Variants in LSAMP observed in about 807,000 individuals in gnomAD.
The protein encoded by LSAMP is limbic system-associated membrane protein.
Under a neutral mutation model 38.6 loss-of-function variants are expected in LSAMP, and 7 were observed. That is an observed-to-expected ratio of 0.18 (90% CI 0.10 to 0.34). LSAMP has a LOEUF of 0.34. LSAMP is among the 10% of genes least tolerant of loss of function. The probability of loss-of-function intolerance (pLI) is 1.00; values close to 1 mark genes in which losing one functional copy is unlikely to be tolerated. For missense variants in LSAMP, 313 were observed against 420.0 expected, an observed-to-expected ratio of 0.75 and a Z score of 2.23; for synonymous variants, 154 against 166.8, an observed-to-expected ratio of 0.92 and a Z score of 0.59.
intron 1 of LSAMP, among the ~76,000 whole-genome samples, chr3:116,120,438 G>A (rs1303474547): frequency 6.6e-6 from 1 of 152,154 alleles, no homozygotes. Context: ...AGGAAGAAAG[G>A]GCCTGGGAAT....
At chr3:116,363,835 T>G (rs10470395) in intron 1 of LSAMP, among the ~76,000 whole-genome samples, 1 of 146,122 alleles carries the variant, frequency 6.8e-6, no homozygotes, top group South Asian at 2.2e-4. Flanking sequence ...AAACTCTCAA[T>G]AAATTAGGTA....
chr3:116,188,809 C>A (rs1010521108), intron 1 of LSAMP, among the ~76,000 whole-genome samples: 2 of 152,122 alleles, frequency 1.3e-5, no homozygotes, highest in African/African-American at 4.8e-5. Context: ...CAGTCTAACA[C>A]AAAGCTCACA....
At chr3:116,124,367 T>C (rs1282115648) in intron 1 of LSAMP, among the ~76,000 whole-genome samples, 2 of 152,348 alleles carry the variant, frequency 1.3e-5, no homozygotes, top group Admixed American at 1.3e-4. Context: ...TCCAGAATCA[T>C]ACCACAGTAT....
chr3:116,004,433 TATACAC>T (rs1288053077), intron 3 of LSAMP, among the ~76,000 whole-genome samples: 2 of 151,228 alleles, frequency 1.3e-5, no homozygotes, highest in Non-Finnish European at 2.9e-5. Context: ...CATATACATA[TATACAC>T]ATATACATAT....
intron 3 of LSAMP, among the ~76,000 whole-genome samples, chr3:115,947,635 G>T (rs970904187): frequency 2.0e-5 from 3 of 152,062 alleles, no homozygotes; most frequent in Non-Finnish European, 1.5e-5. Flanking sequence ...AAGATTATGA[G>T]ATTTTTTATT....
chr3:116,397,393 C>T (rs937397780), intron 1 of LSAMP, among the ~76,000 whole-genome samples: 2 of 145,912 alleles, frequency 1.4e-5, no homozygotes, highest in African/African-American at 2.5e-5. Flanking sequence ...CCCGCCCCCC[C>T]CCCACACACA....
intron 1 of LSAMP, among the ~76,000 whole-genome samples, chr3:116,108,237 T>G (rs944589253): frequency 2.6e-5 from 4 of 152,148 alleles, no homozygotes; most frequent in Non-Finnish European, 4.4e-5. Flanking sequence ...GAGATGCAGC[T>G]GTAATCCAGG....
At chr3:116,222,224 C>T (rs569906429) in intron 1 of LSAMP, among the ~76,000 whole-genome samples, 12 of 151,034 alleles carry the variant, frequency 7.9e-5, no homozygotes, top group Admixed American at 1.3e-4. Context: ...CCTAAGACTT[C>T]TGGCTCACAT....
chr3:116,235,159 T>G (rs894479220), intron 1 of LSAMP, among the ~76,000 whole-genome samples: 3 of 15,032 alleles, frequency 2.0e-4, no homozygotes, highest in Non-Finnish European at 8.7e-4. Flanking sequence ...ACTTTATTAT[T>G]TATTTATTAT....
intron 1 of LSAMP, among the ~76,000 whole-genome samples, chr3:116,419,798 C>CT (rs2049098406): frequency 1.3e-5 from 2 of 152,124 alleles, no homozygotes; most frequent in African/African-American, 4.8e-5. Flanking sequence ...GTGTATAACT[C>CT]TGAGTATTCA....
intron 3 of LSAMP, among the ~76,000 whole-genome samples, chr3:115,955,419 T>C (rs7634181): frequency 0.35 from 52,718 of 152,056 alleles, 9,997 homozygotes; most frequent in South Asian, 0.62. Context: ...TCACTTCTCA[T>C]GAAAATAGTT....
intron 6 of LSAMP, among the ~76,000 whole-genome samples, chr3:115,828,675 T>C (rs1934507878): frequency 6.6e-6 from 1 of 152,246 alleles, no homozygotes; most frequent in Non-Finnish European, 1.5e-5. Flanking sequence ...GGCAGCTTTA[T>C]TCCTTTTAAT....
chr3:115,950,230 G>T (rs1488427399), intron 3 of LSAMP, among the ~76,000 whole-genome samples: 2 of 152,094 alleles, frequency 1.3e-5, no homozygotes, highest in East Asian at 3.9e-4. Context: ...GAAGTCCTAG[G>T]CAGCACAATC....
chr3:115,830,387 C>T (rs995123677), intron 6 of LSAMP, among the ~76,000 whole-genome samples: 2 of 152,138 alleles, frequency 1.3e-5, no homozygotes. Context: ...AGATGCATAT[C>T]TAATGAACAT....
intron 1 of LSAMP, among the ~76,000 whole-genome samples, chr3:116,365,866 G>T (rs1290672075): frequency 4.5e-5 from 3 of 67,178 alleles, no homozygotes; most frequent in Non-Finnish European, 8.5e-5. Flanking sequence ...ACTGTGGTGG[G>T]GTCGGGGGAG....
intron 1 of LSAMP, among the ~76,000 whole-genome samples, chr3:116,281,041 C>T (rs1016820617): frequency 6.6e-6 from 1 of 151,720 alleles, no homozygotes; most frequent in African/African-American, 2.4e-5. Flanking sequence ...AAAATAGATG[C>T]AAATGATAGA....
chr3:115,952,625 C>G (rs1220713691), intron 3 of LSAMP, among the ~76,000 whole-genome samples: 1 of 152,104 alleles, frequency 6.6e-6, no homozygotes, highest in Non-Finnish European at 1.5e-5. Context: ...GTGTACACTG[C>G]TCAGGTAATG....
chr3:115,856,534 G>A (rs1231968668), intron 3 of LSAMP, among the ~76,000 whole-genome samples: 2 of 151,880 alleles, frequency 1.3e-5, no homozygotes, highest in African/African-American at 4.8e-5. Context: ...CAGCAGAATT[G>A]CTTCAACCTG....
At chr3:116,408,203 C>T (rs1044605326) in intron 1 of LSAMP, among the ~76,000 whole-genome samples, 4 of 151,904 alleles carry the variant, frequency 2.6e-5, no homozygotes, top group Non-Finnish European at 5.9e-5. Context: ...ATATTGCCTA[C>T]AATTGGAAAA....
Sources: gnomAD v4.1 joint callset for allele counts (sites outside exome capture counted in the v4.1 genomes callset) on GRCh38, gnomAD v4.1.1 for gene constraint, MANE v1.5 for transcripts, NCBI Gene and HGNC (gene_info 2026-07-23, HGNC 2026-07-21) for gene names.